Variants in TIAM1 observed in about 807,000 individuals in gnomAD.
TIAM1 encodes TIAM Rac1 associated GEF 1.
TIAM1 carries 65 observed loss-of-function variants against 163.5 expected under a neutral mutation model. The observed-to-expected ratio is 0.40, with a 90% CI of 0.33 to 0.49. The LOEUF (loss-of-function observed/expected upper bound fraction) is 0.49. TIAM1 is among the 20% of genes least tolerant of loss of function. The probability of loss-of-function intolerance (pLI) is 0.77; values close to 1 mark genes in which losing one functional copy is unlikely to be tolerated. For missense variants in TIAM1, 1,789 were observed against 2,044.7 expected (o/e 0.87, Z 2.41); for synonymous variants, 833 against 810.1 (o/e 1.03, Z -0.48).
intron 2 of TIAM1, among the ~76,000 whole-genome samples, chr21:31,403,899 T>C (rs929256384): frequency 2.0e-5 from 3 of 152,092 alleles, no homozygotes; most frequent in East Asian, 1.9e-4. Context: ...CCAGGGCAGA[T>C]AGTGACAGAG....
At position 31,141,539 on chromosome 21, in the gene TIAM1, A is replaced by T. The variant is rs375107407; in HGVS notation, c.3476-35T>A. On this transcript the variant is annotated intron_variant, in intron 20 of 27. Coordinates refer to ENST00000541036, the MANE Select transcript of TIAM1 (RefSeq NM_001353694.2). The surrounding 1 kb of genome is among the most constrained non-coding windows in gnomAD (Gnocchi z 4.7). Reference sequence around the variant, plus strand: ...TTTAAACACAGGTCATGGGGGTGGAACGCCCACGTGACTCCCTTCCCACAA... The same window carrying T: ...TTTAAACACAGGTCATGGGGGTGGATCGCCCACGTGACTCCCTTCCCACAA... 6.2e-7 allele frequency: 1 copy of T among 1,602,994 alleles called. No homozygotes were observed. Among genetic ancestry groups the T allele is most frequent in the Non-Finnish European group, 8.5e-7 (1 of 1,174,286 alleles).
chr21:31,213,066 G>A (rs919708805), intron 10 of TIAM1: 2 of 248,250 alleles, frequency 8.1e-6, no homozygotes, highest in Admixed American at 5.1e-5. Context: ...CTCTTGGGAA[G>A]AGAAGTTGTA....
In TIAM1 at chr21:31,141,687, T is replaced by C. The variant is rs996971364; in HGVS notation, c.3476-183A>G. 3.3e-5 allele frequency among the ~76,000 whole-genome samples: 5 copies of C among 151,830 alleles called. No individual in the cohort carries two copies. The highest frequency in any genetic ancestry group is 9.7e-5 in the African/African-American group (4 of 41,386). Reference sequence around the variant, plus strand: ...GGGAGACCACAGGCAGTCAGATCTATGTATTTATGTGTTGGGGGTGGGGTG... The same window carrying C: ...GGGAGACCACAGGCAGTCAGATCTACGTATTTATGTGTTGGGGGTGGGGTG... On this transcript the variant is annotated intron_variant, in intron 20 of 27. Transcript: ENST00000541036. This position sits in a 1 kb window ranked among gnomAD's most constrained non-coding sequence, Gnocchi z 4.7.
chr21:31,473,280 A>C lies in TIAM1; in HGVS notation c.-421-9245T>G, dbSNP rs2045812631. On this transcript the variant is annotated intron_variant, in intron 1 of 28. Coordinates refer to the TIAM1 transcript ENST00000286827. ...CCATCTCTACTAAAAAATACAAAAA[A>C]TTAGCTGGGCGTGGTGGCGGGTGCC... Among the ~76,000 whole-genome samples, 5 of 152,080 alleles carry C rather than the reference A, an allele frequency of 3.3e-5. No homozygotes were observed. In the South Asian group the frequency reaches 1.0e-3, roughly 32 times the overall value.
At chr21:31,332,874 A>T (rs2075721646) in intron 2 of TIAM1, among the ~76,000 whole-genome samples, 1 of 152,098 alleles carries the variant, frequency 6.6e-6, no homozygotes, top group African/African-American at 2.4e-5. Context: ...AGATTCCTCT[A>T]AATATTGAGA....
At chr21:31,281,806 G>A (rs1174433695) in intron 2 of TIAM1, among the ~76,000 whole-genome samples, 1 of 152,008 alleles carries the variant, frequency 6.6e-6, no homozygotes, top group Non-Finnish European at 1.5e-5. Context: ...AATGGTAGAT[G>A]GGTGGATGGA....
intron 2 of TIAM1, among the ~76,000 whole-genome samples, chr21:31,306,788 A>G (rs1388160358): frequency 6.6e-6 from 1 of 152,214 alleles, no homozygotes; most frequent in Non-Finnish European, 1.5e-5. Context: ...GTCTAAAGAC[A>G]CGAGACAATC....
intron 2 of TIAM1, among the ~76,000 whole-genome samples, chr21:31,371,161 C>T (rs915482176): frequency 6.6e-6 from 1 of 152,180 alleles, no homozygotes; most frequent in Admixed American, 6.5e-5. Context: ...TTACACAAAG[C>T]GGTGATTCAA....
chr21:31,217,913 A>G (rs1370002932), intron 8 of TIAM1, among the ~76,000 whole-genome samples: 1 of 152,232 alleles, frequency 6.6e-6, no homozygotes, highest in East Asian at 1.9e-4. Flanking sequence ...AAAGCTGGCA[A>G]ATTCAATCCT....
At chr21:31,481,439 C>T (rs949490102) in intron 1 of TIAM1, among the ~76,000 whole-genome samples, 20 of 152,254 alleles carry the variant, frequency 1.3e-4, no homozygotes, top group South Asian at 1.0e-3. Flanking sequence ...TCAGGACTGA[C>T]GCTAACTACC....
At chr21:31,546,699 A>T (rs2048508345) in intron 1 of TIAM1, among the ~76,000 whole-genome samples, 1 of 152,212 alleles carries the variant, frequency 6.6e-6, no homozygotes, top group Admixed American at 6.5e-5. Flanking sequence ...AAAGGAAAAA[A>T]TTCAAGGATA....
chr21:31,460,180 T>C (rs1400397177), intron 2 of TIAM1, among the ~76,000 whole-genome samples: 1 of 152,122 alleles, frequency 6.6e-6, no homozygotes, highest in Non-Finnish European at 1.5e-5. Context: ...GAGTTTGTCC[T>C]CTCCTCCCTG....
intron 1 of TIAM1, among the ~76,000 whole-genome samples, chr21:31,342,733 C>CA (rs2076058418): frequency 2.0e-5 from 3 of 152,146 alleles, no homozygotes; most frequent in Admixed American, 1.3e-4. Context: ...TTCTTGAGCT[C>CA]AAAATGAGCT....
At chr21:31,502,325 G>A (rs528030709) in intron 1 of TIAM1, among the ~76,000 whole-genome samples, 2 of 152,278 alleles carry the variant, frequency 1.3e-5, no homozygotes, top group South Asian at 4.2e-4. Context: ...AGGCAGGAGT[G>A]CAGTGAGGTA....
chr21:31,492,908 A>AT (rs1246975930), intron 1 of TIAM1, among the ~76,000 whole-genome samples: 3 of 152,296 alleles, frequency 2.0e-5, no homozygotes, highest in Non-Finnish European at 4.4e-5. Context: ...ACCAGAAAGA[A>AT]TCTGGAGGAA....
chr21:31,558,459 G>A (rs576190235), intron 1 of TIAM1, among the ~76,000 whole-genome samples: 8 of 152,226 alleles, frequency 5.3e-5, no homozygotes, highest in Non-Finnish European at 1.0e-4. Flanking sequence ...AGCCAGGCCC[G>A]GAGGTGCCTA....
chr21:31,273,214 A>G (rs558613155), intron 3 of TIAM1, among the ~76,000 whole-genome samples: 93 of 152,306 alleles, frequency 6.1e-4, no homozygotes, highest in African/African-American at 2.2e-3. Context: ...CAGTGAAGCT[A>G]TGGCACAGGC....
intron 1 of TIAM1, among the ~76,000 whole-genome samples, chr21:31,492,934 G>C (rs189402410): frequency 1.0e-3 from 152 of 152,044 alleles, no homozygotes; most frequent in Non-Finnish European, 6.2e-4. Flanking sequence ...AATTTTTTAA[G>C]GTGTGTTTTA....
chr21:31,254,931 A>G (rs1415408134), intron 4 of TIAM1, among the ~76,000 whole-genome samples: 1 of 152,186 alleles, frequency 6.6e-6, no homozygotes, highest in Non-Finnish European at 1.5e-5. Flanking sequence ...AGAGTTCACT[A>G]CATTGCCAAC....
Sources: allele counts gnomAD v4.1 joint callset (sites outside exome capture counted in the v4.1 genomes callset), GRCh38; gene constraint gnomAD v4.1.1; non-coding constraint Gnocchi (gnomAD v3.1); transcripts MANE v1.5; gene names NCBI Gene and HGNC (gene_info 2026-07-23, HGNC 2026-07-21).